Variants in SSH2 observed in about 807,000 individuals in gnomAD.
The protein encoded by SSH2 is slingshot protein phosphatase 2.
A neutral mutation model predicts 135.2 loss-of-function variants in SSH2; 37 were observed. That is an observed-to-expected ratio of 0.27 (90% CI 0.21 to 0.36). The LOEUF (loss-of-function observed/expected upper bound fraction) is 0.36, where lower values mean the gene tolerates loss of function less well. SSH2 is among the 10% of genes least tolerant of loss of function. The pLI is 1.00. For missense variants in SSH2, 1,408 were observed against 1,765.3 expected (o/e 0.80, Z 3.63); for synonymous variants, 628 against 646.2 (o/e 0.97, Z 0.43).
chr17:29,686,431 G>A (rs555280281), intron 5 of SSH2, among the ~76,000 whole-genome samples: 4 of 151,140 alleles, frequency 2.6e-5, no homozygotes, highest in South Asian at 2.1e-4. Flanking sequence ...GTGTGATCTC[G>A]GCTCACTGCA....
At chr17:29,859,126 A>G (rs189804227) in intron 1 of SSH2, among the ~76,000 whole-genome samples, 26 of 152,204 alleles carry the variant, frequency 1.7e-4, no homozygotes, top group African/African-American at 6.3e-4. Flanking sequence ...AGCCCTAACT[A>G]TTTTTAGGAG....
chr17:29,695,469 T>G lies in SSH2; in HGVS notation c.347A>C (p.Asn116Thr). The stretch of plus-strand genomic sequence containing the variant: ...ACACCACTAACTTACCAGCCTGATG[T>G]TGTCTTCTGGGCGGAGTAAAATGAA... ...AMFILLRPEDNIRLAVRLEST... is the reference protein window; with the variant it reads ...AMFILLRPEDTIRLAVRLEST... Residue 116 changes from asparagine to threonine, a missense_variant, in exon 5 of 16, where the codon AAC becomes ACC. This residue lies in a region of SSH2 where 222 missense variants were observed against 355.6 expected (regional missense o/e 0.62). Coordinates refer to ENST00000540801, the MANE Select transcript of SSH2 (RefSeq NM_001282129.2). 4 of 1,611,526 alleles carry G rather than the reference T, an allele frequency of 2.5e-6. No individual in the cohort carries two copies. The highest frequency in any genetic ancestry group is 3.4e-6 in the Non-Finnish European group (4 of 1,179,048).
intron 1 of SSH2, among the ~76,000 whole-genome samples, chr17:29,854,552 T>TA (rs2065627458): frequency 6.6e-6 from 1 of 151,840 alleles, no homozygotes; most frequent in Non-Finnish European, 1.5e-5. Context: ...TTATATGGAC[T>TA]GTATGATGCA....
At chr17:29,770,972 A>G (rs1175477495) in intron 3 of SSH2, among the ~76,000 whole-genome samples, 4 of 152,166 alleles carry the variant, frequency 2.6e-5, no homozygotes, top group Non-Finnish European at 4.4e-5. Flanking sequence ...AGAGCTAGCT[A>G]GGATTATCAG....
At position 29,930,204 on chromosome 17, in the gene SSH2, C is replaced by T; in HGVS notation, c.-204G>A. On this transcript the variant is annotated 5_prime_UTR_variant, in exon 1 of 16. Transcript: ENST00000540801. ...ACGCTCCGAACGGGCGGCGGGCGGG[C>T]GGTTCCGCAGCTGCGGGGCACAATG... The T allele has an allele frequency of 1.8e-6, 1 of 556,780 alleles. No individual in the cohort carries two copies. The allele number at this position is 556,780 out of a possible 1,614,324, so 34.5% of individuals were successfully genotyped here. A position where few individuals can be genotyped will look rare whatever the true frequency, so the allele number is the denominator to read the frequency against.
intron 11 of SSH2, among the ~76,000 whole-genome samples, chr17:29,665,491 T>C (rs2151030569): frequency 6.6e-6 from 1 of 152,316 alleles, no homozygotes; most frequent in Middle Eastern, 3.4e-3. Context: ...CAGAGTGAGG[T>C]GGATCCAGTT....
intron 11 of SSH2, among the ~76,000 whole-genome samples, chr17:29,665,603 C>T (rs1199494937): frequency 6.6e-6 from 1 of 152,204 alleles, no homozygotes; most frequent in Non-Finnish European, 1.5e-5. Flanking sequence ...AAGTGAAATT[C>T]AAACCAACTG....
chr17:29,884,935 A>AT (rs1335786526), intron 1 of SSH2, among the ~76,000 whole-genome samples: 1 of 152,184 alleles, frequency 6.6e-6, no homozygotes, highest in East Asian at 1.9e-4. Flanking sequence ...CAAAAGCAGT[A>AT]TTTTTTGTGT....
chr17:29,649,945 T>C (rs938158033), intron 13 of SSH2, among the ~76,000 whole-genome samples: 1 of 152,178 alleles, frequency 6.6e-6, no homozygotes, highest in African/African-American at 2.4e-5. Flanking sequence ...AGGAGTTTAA[T>C]TAAATACAAA....
chr17:29,718,377 C>T (rs1191300368), intron 3 of SSH2, among the ~76,000 whole-genome samples: 1 of 152,140 alleles, frequency 6.6e-6, no homozygotes, highest in African/African-American at 2.4e-5. Flanking sequence ...TTGATGACTC[C>T]TTATTAGTTA....
intron 6 of SSH2, among the ~76,000 whole-genome samples, chr17:29,680,036 A>G (rs1021402028): frequency 1.3e-5 from 2 of 152,222 alleles, no homozygotes; most frequent in Admixed American, 6.5e-5. Flanking sequence ...TAACATACTT[A>G]AAATAAAACA....
At chr17:29,865,124 A>T (rs552379359) in intron 1 of SSH2, among the ~76,000 whole-genome samples, 1 of 152,304 alleles carries the variant, frequency 6.6e-6, no homozygotes, top group Non-Finnish European at 1.5e-5. Context: ...TCTACAACCA[A>T]ATTGAAATAA....
chr17:29,809,212 C>T (rs1442920016), intron 2 of SSH2, among the ~76,000 whole-genome samples: 1 of 152,216 alleles, frequency 6.6e-6, no homozygotes, highest in Non-Finnish European at 1.5e-5. Context: ...TGAGATTGCA[C>T]CACTGCACTC....
intron 2 of SSH2, among the ~76,000 whole-genome samples, chr17:29,808,900 G>A (rs2042394216): frequency 6.6e-6 from 1 of 152,148 alleles, no homozygotes. Flanking sequence ...GAGAGGCTAA[G>A]GCTAGATTTT....
intron 3 of SSH2, among the ~76,000 whole-genome samples, chr17:29,749,629 G>A (rs2040867011): frequency 6.6e-6 from 1 of 152,174 alleles, no homozygotes; most frequent in African/African-American, 2.4e-5. Flanking sequence ...GTGAGGGAGT[G>A]GCGAGTGAAT....
intron 11 of SSH2, among the ~76,000 whole-genome samples, chr17:29,661,389 ATTG>A (rs2037035656): frequency 6.6e-6 from 1 of 152,228 alleles, no homozygotes; most frequent in African/African-American, 2.4e-5. Context: ...CACTGTGAAA[ATTG>A]TTAAGTGTTG....
At chr17:29,817,280 G>A (rs2042574837) in intron 2 of SSH2, among the ~76,000 whole-genome samples, 1 of 151,954 alleles carries the variant, frequency 6.6e-6, no homozygotes, top group Admixed American at 6.6e-5. Context: ...CTTCCTTAAG[G>A]CTCCCATATA....
chr17:29,805,682 C>T (rs538933445), intron 2 of SSH2, among the ~76,000 whole-genome samples: 5 of 152,018 alleles, frequency 3.3e-5, no homozygotes, highest in East Asian at 1.9e-4. Flanking sequence ...TGTGGGGCCT[C>T]GGAATCAGTA....
intron 3 of SSH2, among the ~76,000 whole-genome samples, chr17:29,754,911 G>C (rs780310465): frequency 6.6e-6 from 1 of 152,082 alleles, no homozygotes; most frequent in Non-Finnish European, 1.5e-5. Flanking sequence ...CACCTGCTTC[G>C]GCCTCCCAAA....
Sources: gnomAD v4.1 joint callset for allele counts (sites outside exome capture counted in the v4.1 genomes callset) on GRCh38, gnomAD v4.1.1 for gene constraint, gnomAD v4.1.1 regional missense constraint, MANE v1.5 for transcripts, NCBI Gene and HGNC (gene_info 2026-07-23, HGNC 2026-07-21) for gene names.